Variants in CNN3 observed in about 807,000 individuals in gnomAD.
The protein encoded by CNN3 is calponin-3.
CNN3 carries 11 observed loss-of-function variants against 39.0 expected under a neutral mutation model. That is an observed-to-expected ratio of 0.28 (90% CI 0.18 to 0.47). CNN3 has a LOEUF of 0.47. Among genes scored for constraint, CNN3 ranks in the 20% least tolerant of loss-of-function variants. CNN3 has a pLI of 0.99. For missense variants in CNN3, 266 were observed against 403.4 expected, an observed-to-expected ratio of 0.66 and a Z score of 2.92; for synonymous variants, 101 against 138.3, an observed-to-expected ratio of 0.73 and a Z score of 1.89.
In CNN3 at chr1:94,926,782, C is replaced by A; in HGVS notation, c.57+56G>T. Reference sequence around the variant, plus strand: ...AGAGCAAACGAAGCACGGCCCAGCGCCAGGCCAGCCCAAGGGTGCCCCGGG... The same window carrying A: ...AGAGCAAACGAAGCACGGCCCAGCGACAGGCCAGCCCAAGGGTGCCCCGGG... On this transcript the variant is annotated intron_variant, in intron 1 of 6. Transcript: ENST00000370206. The surrounding 1 kb of genome is among the most constrained non-coding windows in gnomAD (Gnocchi z 4.2). 1 of 1,566,256 alleles carries A rather than the reference C, an allele frequency of 6.4e-7. No homozygotes were observed. Among genetic ancestry groups the A allele is most frequent in the Non-Finnish European group, 8.7e-7 (1 of 1,147,652 alleles).
chr1:94,912,449 G>C (rs1011892598), intron 1 of CNN3, among the ~76,000 whole-genome samples: 23 of 152,334 alleles, frequency 1.5e-4, no homozygotes, highest in African/African-American at 5.5e-4. Flanking sequence ...ATTACTGGCT[G>C]AAGAGCCCGG....
At chr1:94,923,781 T>C (rs74863781) in intron 1 of CNN3, among the ~76,000 whole-genome samples, 2,669 of 152,276 alleles carry the variant, frequency 0.018, 42 homozygotes, top group Admixed American at 0.027. Context: ...TACTAAAAAC[T>C]AATTTTCTGT....
chr1:94,907,373 G>A (rs914953427), intron 1 of CNN3, among the ~76,000 whole-genome samples: 1 of 152,128 alleles, frequency 6.6e-6, no homozygotes, highest in Non-Finnish European at 1.5e-5. Flanking sequence ...AAGGAACTGA[G>A]AGCAATTTAA....
Position 94,899,480 on chromosome 1 carries a change from G to A in CNN3, c.539C>T (p.Thr180Ile). ...TNKCASQAGM[T>I]AYGTRRHLYD... is the part of the protein sequence containing the mutation. ...AAGATGCCTCCTAGTCCCGTAAGCT[G>A]TCATACCTGCCTGGCTGGCACATTT... Residue 180 changes from threonine (T) to isoleucine (I), a missense_variant, in exon 6 of 7, where the codon ACA becomes ATA. Coordinates refer to ENST00000370206, the MANE Select transcript of CNN3 (RefSeq NM_001839.5). 1.2e-6 allele frequency: 2 copies of A among 1,613,626 alleles called. No individual in the cohort carries two copies. Among genetic ancestry groups the A allele is most frequent in the Non-Finnish European group, 1.7e-6 (2 of 1,179,864 alleles).
intron 5 of CNN3, among the ~76,000 whole-genome samples, chr1:94,899,966 CT>C: frequency 6.6e-6 from 1 of 152,106 alleles, no homozygotes; most frequent in Non-Finnish European, 1.5e-5. Context: ...TTAACAAGGG[CT>C]TTTTAAAGTT....
intron 1 of CNN3, among the ~76,000 whole-genome samples, chr1:94,919,888 G>A (rs765693337): frequency 1.3e-5 from 2 of 151,934 alleles, no homozygotes; most frequent in Non-Finnish European, 2.9e-5. Flanking sequence ...CTACCTTGTG[G>A]GGGAAAACTA....
chr1:94,917,256 G>A lies in CNN3; in HGVS notation c.57+9582C>T, dbSNP rs1040081849. On this transcript the variant is annotated intron_variant, in intron 1 of 6. Coordinates refer to ENST00000370206, the MANE Select transcript of CNN3 (RefSeq NM_001839.5). ...TCTCCATGTTGGTCAGGCTGGTCTC[G>A]AACTCCCGACCTCAGTTGATCCGCC... 1.8e-4 allele frequency among the ~76,000 whole-genome samples: 28 copies of A among 152,238 alleles called. No homozygotes were observed. In the East Asian group the frequency reaches 5.4e-3, roughly 29 times the overall value.
intron 1 of CNN3, among the ~76,000 whole-genome samples, chr1:94,911,754 G>A (rs764598191): frequency 5.9e-5 from 9 of 152,094 alleles, no homozygotes; most frequent in Non-Finnish European, 1.2e-4. Flanking sequence ...GAGTAACAGA[G>A]GGAGACCCTG....
At chr1:94,913,466 T>A (rs539822584) in intron 1 of CNN3, among the ~76,000 whole-genome samples, 12 of 152,270 alleles carry the variant, frequency 7.9e-5, no homozygotes, top group African/African-American at 2.9e-4. Flanking sequence ...CAGGAGGAGC[T>A]AAAGCTTTGT....
chr1:94,906,081 C>G (rs1458971220), intron 1 of CNN3, among the ~76,000 whole-genome samples: 1 of 152,182 alleles, frequency 6.6e-6, no homozygotes, highest in Non-Finnish European at 1.5e-5. Context: ...CTCCCGAGTT[C>G]AAGCAATTCT....
intron 5 of CNN3, among the ~76,000 whole-genome samples, chr1:94,900,985 C>A (rs1023638619): frequency 6.6e-6 from 1 of 151,984 alleles, no homozygotes; most frequent in African/African-American, 2.4e-5. Context: ...TTCGGGAGGC[C>A]AAGGCAGGAG....
chr1:94,912,493 G>C (rs1309863950), intron 1 of CNN3, among the ~76,000 whole-genome samples: 1 of 152,152 alleles, frequency 6.6e-6, no homozygotes, highest in East Asian at 1.9e-4. Context: ...CTTGGGGAGA[G>C]AGTGTGCAAG....
rs1346043824 is a variant in CNN3, at chr1:94,901,753, G to C, written c.417C>G (p.Asp139Glu). ...AKTKGFHTTI[D>E]IGVKYAEKQT... ...GTTTTTCTGCATACTTAACTCCAATGTCAATGGTTGTATGGAATCCTTTTG... is the reference window on the plus strand; with the variant it reads ...GTTTTTCTGCATACTTAACTCCAATCTCAATGGTTGTATGGAATCCTTTTG... Residue 139 changes from aspartate (D) to glutamate (E), a missense_variant, in exon 5 of 7, where the codon GAC becomes GAG. Physicochemically the swap from Asp to Glu is conservative, Grantham distance 45 (BLOSUM62 2). Coordinates refer to ENST00000370206, the MANE Select transcript of CNN3 (RefSeq NM_001839.5). 1 of 1,613,742 alleles carries C rather than the reference G, an allele frequency of 6.2e-7. No homozygotes were observed. The highest frequency in any genetic ancestry group is 1.7e-5 in the Admixed American group (1 of 59,970).
At chr1:94,915,164 T>C (rs1671251440) in intron 1 of CNN3, among the ~76,000 whole-genome samples, 1 of 152,326 alleles carries the variant, frequency 6.6e-6, no homozygotes, top group Non-Finnish European at 1.5e-5. Context: ...AGGTATTTTG[T>C]ACTTTCTGAG....
chr1:94,901,174 T>C lies in CNN3; in HGVS notation c.501+495A>G, dbSNP rs1222321515. 3.3e-5 allele frequency among the ~76,000 whole-genome samples: 5 copies of C among 152,076 alleles called. No homozygotes were observed. In the East Asian group the frequency reaches 7.7e-4, roughly 24 times the overall value. On this transcript the variant is annotated intron_variant, in intron 5 of 6. Coordinates refer to ENST00000370206, the MANE Select transcript of CNN3 (RefSeq NM_001839.5). Reference sequence around the variant, plus strand: ...TTCAAGACCAGCCTGGCCAACATGGTGAAATCCTATCTCTACTAAAACTAC... The same window carrying C: ...TTCAAGACCAGCCTGGCCAACATGGCGAAATCCTATCTCTACTAAAACTAC...
chr1:94,904,751 C>G (rs1670953288), intron 1 of CNN3, among the ~76,000 whole-genome samples: 1 of 136,150 alleles, frequency 7.3e-6, no homozygotes, highest in Non-Finnish European at 1.5e-5. Context: ...TGTCTCCCGC[C>G]CCACTGCCAA....
chr1:94,917,384 C>T lies in CNN3; in HGVS notation c.57+9454G>A, dbSNP rs1038797618. ...ATTATCAAATAATTTGTGGAAAAAA[C>T]GCCCTCATCCCAGCCCACTGTCAAT... On this transcript the variant is annotated intron_variant, in intron 1 of 6. Transcript: ENST00000370206. Among the ~76,000 whole-genome samples the T allele has an allele frequency of 1.3e-4, 20 of 152,336 alleles. 1 individual carries two copies. Among genetic ancestry groups the T allele is most frequent in the Admixed American group, 8.5e-4 (13 of 15,296 alleles).
chr1:94,903,055 T>C lies in CNN3; in HGVS notation c.246+67A>G, dbSNP rs183066341. The C allele has an allele frequency of 3.2e-4, 397 of 1,247,104 alleles. 6 individuals carry two copies. In the East Asian group the frequency reaches 7.4e-3, roughly 23 times the overall value. The allele number at this position is 1,247,104 out of a possible 1,614,324, so 77.3% of individuals were successfully genotyped here. ...AAACACAAAACCAAAAAACCAAACC[T>C]GAAATCAAGTTTTCACTACATAAAA... On this transcript the variant is annotated intron_variant, in intron 3 of 6. Coordinates refer to ENST00000370206, the MANE Select transcript of CNN3 (RefSeq NM_001839.5).
chr1:94,904,290 A>G (rs1670942640), intron 1 of CNN3, among the ~76,000 whole-genome samples: 1 of 148,508 alleles, frequency 6.7e-6, no homozygotes, highest in South Asian at 2.2e-4. Flanking sequence ...AAACTATTAA[A>G]CATAAGTTTT....
Sources: allele counts gnomAD v4.1 joint callset (sites outside exome capture counted in the v4.1 genomes callset), GRCh38; gene constraint gnomAD v4.1.1; non-coding constraint Gnocchi (gnomAD v3.1); transcripts MANE v1.5; gene names NCBI Gene and HGNC (gene_info 2026-07-23, HGNC 2026-07-21).